Variants in TM4SF18 observed in about 807,000 individuals in gnomAD.
TM4SF18 encodes the protein transmembrane 4 L6 family member 18.
In TM4SF18, 22 loss-of-function variants were observed where a neutral mutation model predicts 23.8. That is an observed-to-expected ratio of 0.92 (90% CI 0.66 to 1.32). The LOEUF is 1.32. TM4SF18 is among the 40% of genes most tolerant of loss of function. The pLI is 0.00. For synonymous variants in TM4SF18, 87 were observed against 87.9 expected (o/e 0.99, Z 0.06); for missense variants, 255 against 240.3 (o/e 1.06, Z -0.41).
chr3:149,329,972 A>G (rs1352194839), intron 3 of TM4SF18: 2 of 159,340 alleles, frequency 1.3e-5, no homozygotes, highest in Non-Finnish European at 2.7e-5. Flanking sequence ...AGTGTAGTCA[A>G]CTGTTAAAAC....
intron 4 of TM4SF18, 103 bp from the exon 5 acceptor site, chr3:149,322,539 T>C (rs918315056): frequency 6.3e-6 from 6 of 955,176 alleles, no homozygotes; most frequent in East Asian, 2.6e-5. Flanking sequence ...TATATAGTTA[T>C]TAGATATGAA....
At chr3:149,329,568 A>T (rs905245713) in intron 3 of TM4SF18, among the ~76,000 whole-genome samples, 1 of 152,216 alleles carries the variant, frequency 6.6e-6, no homozygotes, top group Admixed American at 6.5e-5. Flanking sequence ...AATAGGAGCA[A>T]TAATGACTTA....
At chr3:149,328,355 A>T (rs1324990386) in intron 3 of TM4SF18, among the ~76,000 whole-genome samples, 1 of 152,162 alleles carries the variant, frequency 6.6e-6, no homozygotes, top group African/African-American at 2.4e-5. Flanking sequence ...CTCATTCATG[A>T]GGGAAGAGCC....
At chr3:149,330,169 A>C in intron 3 of TM4SF18, 161 bp downstream of exon 3, 1 of 407,086 alleles carries the variant, frequency 2.5e-6, no homozygotes, top group Non-Finnish European at 4.4e-6. Flanking sequence ...TGGAGGAAAG[A>C]CTAAGCAAAA....
chr3:149,331,061 T>A (rs943461464), intron 2 of TM4SF18, among the ~76,000 whole-genome samples: 1 of 152,232 alleles, frequency 6.6e-6, no homozygotes, highest in Non-Finnish European at 1.5e-5. Context: ...GGAAAGAACA[T>A]GTATTTCTTT....
At chr3:149,329,820 C>T (rs1731050684) in intron 3 of TM4SF18, 1 of 152,046 alleles carries the variant, frequency 6.6e-6, no homozygotes, top group African/African-American at 2.4e-5. Flanking sequence ...GATGAAAAAA[C>T]CCAGATAAAA....
rs76899825 is a variant in TM4SF18 at position 149,320,572 on chromosome 3, G to C, written c.*906C>G. The C allele has an allele frequency of 9.2e-5, 14 of 152,170 alleles. No homozygotes were observed. The East Asian group carries it at 2.5e-3, about 27-fold the overall frequency. 9.4% of individuals were successfully genotyped at this position (152,170 alleles called of 1,614,324 possible). On this transcript the variant is annotated 3_prime_UTR_variant, in exon 6 of 6. Transcript: ENST00000296059. ...CACCCTCAGGAGTCAGAAAGGAAGAGCAAGAGTTTAGATTGTATAAGTTTA... is the reference window on the plus strand; with the variant it reads ...CACCCTCAGGAGTCAGAAAGGAAGACCAAGAGTTTAGATTGTATAAGTTTA...
At chr3:149,326,026 A>T (rs1009468008) in intron 3 of TM4SF18, among the ~76,000 whole-genome samples, 1 of 152,078 alleles carries the variant, frequency 6.6e-6, no homozygotes, top group African/African-American at 2.4e-5. Flanking sequence ...TGTATTTATT[A>T]TGTGTTTTTG....
At position 149,323,816 on chromosome 3, in the gene TM4SF18, G is replaced by C. The variant is rs545515978; in HGVS notation, c.410+1064C>G. On this transcript the variant is annotated intron_variant, in intron 4 of 5. Coordinates refer to ENST00000296059, the MANE Select transcript of TM4SF18 (RefSeq NM_138786.4). ...ATAAGGTCTGACTGCCTGTGGGGTT[G>C]GGCAAAAAGAGCCATATTTTTCTTC... Among the ~76,000 whole-genome samples the C allele has an allele frequency of 3.3e-5, 5 of 152,230 alleles. No individual in the cohort carries two copies. In the South Asian group the frequency reaches 1.0e-3, roughly 32 times the overall value.
At chr3:149,326,120 A>G (rs983054416) in intron 3 of TM4SF18, among the ~76,000 whole-genome samples, 1 of 152,164 alleles carries the variant, frequency 6.6e-6, no homozygotes, top group Non-Finnish European at 1.5e-5. Flanking sequence ...AAAACATTCT[A>G]TTATTTTGTA....
chr3:149,328,557 G>C (rs550038579), intron 3 of TM4SF18, among the ~76,000 whole-genome samples: 1 of 152,274 alleles, frequency 6.6e-6, no homozygotes, highest in African/African-American at 2.4e-5. Flanking sequence ...TATGTACTTT[G>C]TTTGGTTTAA....
intron 4 of TM4SF18, among the ~76,000 whole-genome samples, chr3:149,324,150 C>A (rs1018903660): frequency 1.3e-5 from 2 of 152,120 alleles, no homozygotes; most frequent in African/African-American, 4.8e-5. Flanking sequence ...CTTTCTGGGC[C>A]CTGCTACCTC....
chr3:149,330,998 T>A (rs1731074640), intron 2 of TM4SF18, among the ~76,000 whole-genome samples: 1 of 152,240 alleles, frequency 6.6e-6, no homozygotes, highest in African/African-American at 2.4e-5. Context: ...GGAGAATCAA[T>A]GCATCTTATT....
chr3:149,327,742 T>G (rs1730985455), intron 3 of TM4SF18, among the ~76,000 whole-genome samples: 1 of 152,120 alleles, frequency 6.6e-6, no homozygotes, highest in Non-Finnish European at 1.5e-5. Flanking sequence ...AGTATGACAT[T>G]AATATATCCT....
intron 2 of TM4SF18, among the ~76,000 whole-genome samples, chr3:149,331,181 A>G (rs1447054090): frequency 6.6e-6 from 1 of 152,182 alleles, no homozygotes; most frequent in East Asian, 1.9e-4. Context: ...ACTGAATCCC[A>G]CAGCTGAGTT....
At chr3:149,329,313 C>T (rs879637214) in intron 3 of TM4SF18, among the ~76,000 whole-genome samples, 6 of 152,108 alleles carry the variant, frequency 3.9e-5, no homozygotes, top group African/African-American at 7.2e-5. Context: ...ATCTTGACTA[C>T]GCATTGAAAT....
At chr3:149,330,575 C>T (rs1731067496) in intron 2 of TM4SF18, among the ~76,000 whole-genome samples, 156 bp from the exon 3 acceptor site, 1 of 152,184 alleles carries the variant, frequency 6.6e-6, no homozygotes, top group South Asian at 2.1e-4. Context: ...GAATTTGAGA[C>T]ACCTTCTGTA....
rs192192279 is a variant in TM4SF18 at position 149,318,645 on chromosome 3, T to C, written c.*2833A>G. 2 of 152,364 alleles carry C rather than the reference T, an allele frequency of 1.3e-5. No homozygotes were observed. Among genetic ancestry groups the C allele is most frequent in the African/African-American group, 4.8e-5 (2 of 41,586 alleles). The allele number at this position is 152,364 out of a possible 1,614,324, so 9.4% of individuals were successfully genotyped here. On this transcript the variant is annotated 3_prime_UTR_variant, in exon 6 of 6. Coordinates refer to ENST00000296059, the MANE Select transcript of TM4SF18 (RefSeq NM_138786.4). ...GAGATAATTATTAAGTATTAACTTG[T>C]GCGTACTTATGCTTTCTTTTTTCAG...
intron 3 of TM4SF18, among the ~76,000 whole-genome samples, chr3:149,326,540 G>A (rs1180500582): frequency 6.6e-6 from 1 of 152,120 alleles, no homozygotes; most frequent in Non-Finnish European, 1.5e-5. Context: ...TTCAACTGAT[G>A]GATTTAGCAT....
Sources: allele counts gnomAD v4.1 joint callset (sites outside exome capture counted in the v4.1 genomes callset), GRCh38; gene constraint gnomAD v4.1.1; transcripts MANE v1.5; gene names NCBI Gene and HGNC (gene_info 2026-07-23, HGNC 2026-07-21).